The following EML4 variants were observed in gnomAD, a reference collection of about 807,000 sequenced individuals.
EML4 encodes the protein EMAP like 4, also known as echinoderm microtubule-associated protein-like 4.
Under a neutral mutation model 129.0 loss-of-function variants are expected in EML4, and 72 were observed. The observed-to-expected ratio is 0.56, with a 90% CI of 0.46 to 0.68. EML4 has a LOEUF of 0.68. Among genes scored for constraint, EML4 ranks in the 30% least tolerant of loss-of-function variants. EML4 has a pLI of 0.00. For missense variants in EML4, 1,363 were observed against 1,190.6 expected (o/e 1.14, Z -2.13); for synonymous variants, 532 against 405.0 (o/e 1.31, Z -3.77).
At chr2:42,288,390 A>G (rs373333663) in intron 11 of EML4, 68 bp downstream of exon 11, 42 of 802,462 alleles carry the variant, frequency 5.2e-5, no homozygotes, top group Admixed American at 8.6e-5. Context: ...ATTTGGAACT[A>G]TATTGGTATT....
chr2:42,212,835 A>G (rs1054671966), intron 1 of EML4, among the ~76,000 whole-genome samples: 7 of 152,228 alleles, frequency 4.6e-5, no homozygotes, highest in African/African-American at 1.2e-4. Flanking sequence ...TAACTACTAG[A>G]GAAAGAGGAA....
Position 42,200,526 on chromosome 2 carries a change from C to G in EML4, c.25+30890C>G, listed in dbSNP as rs1380011902. Among the ~76,000 whole-genome samples, 5 of 152,156 alleles carry G rather than the reference C, an allele frequency of 3.3e-5. No homozygotes were observed. In the South Asian group the frequency reaches 1.0e-3, roughly 32 times the overall value. On this transcript the variant is annotated intron_variant, in intron 1 of 22. Transcript: ENST00000318522. ...TCAGGCATATTTAATTCAACAAATG[C>G]TGATTTCTTATTTGCTGGTCATTGA...
intron 1 of EML4, among the ~76,000 whole-genome samples, chr2:42,214,326 GTTT>G (rs1673052350): frequency 6.6e-6 from 1 of 152,140 alleles, no homozygotes; most frequent in Admixed American, 6.5e-5. Context: ...GCTTACCTGA[GTTT>G]TTATTATAAG....
At chr2:42,294,501 G>A (rs892540723) in intron 11 of EML4, among the ~76,000 whole-genome samples, 1 of 152,214 alleles carries the variant, frequency 6.6e-6, no homozygotes, top group African/African-American at 2.4e-5. Context: ...TTCGAGCCCA[G>A]CCTAGCCAAC....
chr2:42,207,080 A>G (rs2103997201), intron 1 of EML4, among the ~76,000 whole-genome samples: 2 of 152,298 alleles, frequency 1.3e-5, no homozygotes, highest in South Asian at 4.1e-4. Context: ...GTAGTAATAG[A>G]TTACTTTTCA....
At chr2:42,191,700 A>G (rs1439021348) in intron 1 of EML4, among the ~76,000 whole-genome samples, 1 of 152,174 alleles carries the variant, frequency 6.6e-6, no homozygotes, top group South Asian at 2.1e-4. Flanking sequence ...ACCTATTTGT[A>G]TTATGCTCAG....
At chr2:42,289,131 A>C (rs949400375) in intron 11 of EML4, 5 of 152,236 alleles carry the variant, frequency 3.3e-5, no homozygotes, top group Non-Finnish European at 5.9e-5. Context: ...ATTGTACTTA[A>C]AAGGAATATA....
In EML4 at chr2:42,212,690, C is replaced by T. The variant is rs73933503; in HGVS notation, c.26-32815C>T. On this transcript the variant is annotated intron_variant, in intron 1 of 22. Transcript: ENST00000318522. The stretch of plus-strand genomic sequence containing the variant: ...TGTATGTCCACATTATTCACTGCTA[C>T]AGTAAGGCAGATAGTCCCCTTCATG... Among the ~76,000 whole-genome samples the T allele has an allele frequency of 3.9e-3, 599 of 152,322 alleles. 4 individuals are homozygous for T. Among genetic ancestry groups the T allele is most frequent in the African/African-American group, 0.013 (542 of 41,572 alleles).
intron 1 of EML4, among the ~76,000 whole-genome samples, chr2:42,225,478 C>A (rs758590793): frequency 2.0e-4 from 30 of 152,144 alleles, no homozygotes; most frequent in Non-Finnish European, 3.4e-4. Context: ...TTCTGGATTG[C>A]TGGATTGTAG....
chr2:42,262,038 A>C (rs891274616), intron 4 of EML4, among the ~76,000 whole-genome samples: 3 of 152,050 alleles, frequency 2.0e-5, no homozygotes, highest in African/African-American at 7.2e-5. Context: ...TGCTTATTCA[A>C]GCCTTGTGAT....
chr2:42,228,156 G>A (rs1674096176), intron 1 of EML4, among the ~76,000 whole-genome samples: 1 of 152,094 alleles, frequency 6.6e-6, no homozygotes, highest in African/African-American at 2.4e-5. Flanking sequence ...GGGAGGCCAA[G>A]GTTGCAGTGA....
At chr2:42,189,291 C>G (rs1248234849) in intron 1 of EML4, among the ~76,000 whole-genome samples, 4 of 152,174 alleles carry the variant, frequency 2.6e-5, no homozygotes, top group Non-Finnish European at 5.9e-5. Flanking sequence ...AATTTTAAAT[C>G]TGTCCATGTC....
At chr2:42,211,767 G>A (rs1672899421) in intron 1 of EML4, among the ~76,000 whole-genome samples, 1 of 152,036 alleles carries the variant, frequency 6.6e-6, no homozygotes, top group Non-Finnish European at 1.5e-5. Context: ...CCTTGTCTTG[G>A]TGGGTAATGT....
Position 42,169,588 on chromosome 2 carries a change from G to T in EML4, c.-24G>T. The stretch of plus-strand genomic sequence containing the variant: ...ATGAAGTGCCCGCCCCTCTAAGCCC[G>T]GAGCCCGGCGCTTTCCCCGCAAGAT... On this transcript the variant is annotated 5_prime_UTR_variant, in exon 1 of 23. Coordinates refer to ENST00000318522, the MANE Select transcript of EML4 (RefSeq NM_019063.5). The T allele has an allele frequency of 1.9e-6, 3 of 1,597,818 alleles. No individual in the cohort carries two copies. The highest frequency in any genetic ancestry group is 2.6e-6 in the Non-Finnish European group (3 of 1,173,964).
rs573045084 is a variant in EML4, at chr2:42,188,764, G to C, written c.25+19128G>C. On this transcript the variant is annotated intron_variant, in intron 1 of 22. Coordinates refer to ENST00000318522, the MANE Select transcript of EML4 (RefSeq NM_019063.5). ...TGGTCTTGAACTACTGACCTCAGGT[G>C]ATCTGCCCACCTTGGCTTCCCATAG... Among the ~76,000 whole-genome samples the C allele has an allele frequency of 1.6e-3, 236 of 152,208 alleles. 1 individual carries two copies. The highest frequency in any genetic ancestry group is 5.5e-3 in the African/African-American group (228 of 41,536).
At chr2:42,182,501 G>T (rs894595408) in intron 1 of EML4, among the ~76,000 whole-genome samples, 2 of 152,032 alleles carry the variant, frequency 1.3e-5, no homozygotes, top group African/African-American at 4.8e-5. Context: ...CTGCTCCTCT[G>T]CCAGAATGAC....
intron 1 of EML4, among the ~76,000 whole-genome samples, chr2:42,197,832 C>T (rs1671983286): frequency 6.6e-6 from 1 of 152,190 alleles, no homozygotes; most frequent in Admixed American, 6.5e-5. Context: ...ATGTGCTCCA[C>T]CTCAAACCTT....
At chr2:42,263,454 G>A in intron 5 of EML4, 148 bp downstream of exon 5, 2 of 747,246 alleles carry the variant, frequency 2.7e-6, no homozygotes, top group Non-Finnish European at 3.9e-6. Context: ...CGCCAGGCTG[G>A]AGTGCAGTGG....
intron 1 of EML4, among the ~76,000 whole-genome samples, chr2:42,227,814 T>C (rs1476283649): frequency 3.3e-5 from 5 of 152,252 alleles, no homozygotes; most frequent in African/African-American, 4.8e-5. Context: ...TATCACCTTA[T>C]AAAACTATAG....
Sources: allele counts gnomAD v4.1 joint callset (sites outside exome capture counted in the v4.1 genomes callset), GRCh38; gene constraint gnomAD v4.1.1; transcripts MANE v1.5; gene names NCBI Gene and HGNC (gene_info 2026-07-23, HGNC 2026-07-21).